The following USH2A variants were observed in gnomAD, a reference collection of about 807,000 sequenced individuals.
The protein encoded by USH2A is Usher syndrome 2A (autosomal recessive, mild).
A neutral mutation model predicts 538.9 loss-of-function variants in USH2A; 443 were observed. The observed-to-expected ratio is 0.82, with a 90% CI of 0.76 to 0.89. The LOEUF is 0.89. USH2A is among the 40% of genes least tolerant of loss of function. USH2A has a pLI of 0.00. For synonymous variants in USH2A, 2,413 were observed against 2,273.5 expected, an observed-to-expected ratio of 1.06 and a Z score of -1.75; for missense variants, 6,633 against 6,324.8, an observed-to-expected ratio of 1.05 and a Z score of -1.65.
chr1:215,773,317 G>A (rs965819007), intron 55 of USH2A, among the ~76,000 whole-genome samples: 1 of 151,980 alleles, frequency 6.6e-6, no homozygotes, highest in African/African-American at 2.4e-5. Context: ...AGGCCCATTT[G>A]CATAATAAGA....
chr1:216,270,046 G>T (rs1293947403), intron 11 of USH2A, among the ~76,000 whole-genome samples: 1 of 152,088 alleles, frequency 6.6e-6, no homozygotes, highest in African/African-American at 2.4e-5. Flanking sequence ...ATGATTTCAA[G>T]ATGAATAAAT....
chr1:216,155,491 G>A (rs1041930966), intron 21 of USH2A, among the ~76,000 whole-genome samples: 3 of 151,954 alleles, frequency 2.0e-5, no homozygotes, highest in African/African-American at 7.3e-5. Flanking sequence ...AACCCATCCT[G>A]TTGCCCCACC....
chr1:215,895,708 T>C (rs1250633680), intron 40 of USH2A, among the ~76,000 whole-genome samples: 1 of 152,170 alleles, frequency 6.6e-6, no homozygotes, highest in Non-Finnish European at 1.5e-5. Context: ...AATAACAAGA[T>C]GTAATGCAAT....
chr1:215,963,720 G>A (rs1667260312), intron 37 of USH2A, among the ~76,000 whole-genome samples: 1 of 152,060 alleles, frequency 6.6e-6, no homozygotes, highest in Non-Finnish European at 1.5e-5. Context: ...AATAATGCTT[G>A]CCTTGGTCTG....
intron 14 of USH2A, among the ~76,000 whole-genome samples, chr1:216,230,272 T>C (rs1014609550): frequency 5.3e-5 from 8 of 152,156 alleles, no homozygotes; most frequent in African/African-American, 1.9e-4. Context: ...ATCTAGGAGC[T>C]AGTATGTGCA....
intron 9 of USH2A, among the ~76,000 whole-genome samples, chr1:216,308,347 C>A (rs1251732481): frequency 1.3e-5 from 2 of 152,132 alleles, no homozygotes; most frequent in Non-Finnish European, 2.9e-5. Flanking sequence ...CTTACCAGTT[C>A]CTGAAATTTC....
chr1:216,295,388 A>G (rs1179238565), intron 9 of USH2A, among the ~76,000 whole-genome samples: 2 of 151,804 alleles, frequency 1.3e-5, no homozygotes, highest in Non-Finnish European at 3.0e-5. Context: ...GGAGTTTTAC[A>G]TTTATAATCA....
intron 46 of USH2A, among the ~76,000 whole-genome samples, chr1:215,843,569 A>G (rs554031228): frequency 2.1e-4 from 32 of 152,310 alleles, no homozygotes; most frequent in Non-Finnish European, 4.1e-4. Context: ...ATTTTGTCAT[A>G]CAAGTGCATA....
chr1:216,141,298 A>G (rs960170724), intron 21 of USH2A, among the ~76,000 whole-genome samples: 25 of 152,218 alleles, frequency 1.6e-4, no homozygotes, highest in Non-Finnish European at 3.4e-4. Context: ...GCTCTTTTGT[A>G]TCCTCCCAGT....
At chr1:216,217,830 C>T (rs2035374099) in intron 14 of USH2A, among the ~76,000 whole-genome samples, 1 of 151,902 alleles carries the variant, frequency 6.6e-6, no homozygotes, top group Non-Finnish European at 1.5e-5. Context: ...TTTTACATCC[C>T]ACAATATATC....
At chr1:216,221,353 G>A (rs1047664452) in intron 14 of USH2A, among the ~76,000 whole-genome samples, 2 of 152,070 alleles carry the variant, frequency 1.3e-5, no homozygotes, top group Non-Finnish European at 2.9e-5. Context: ...CCCTCTAGAG[G>A]AGTTTGGTTT....
At chr1:215,651,036 G>A (rs1657062821) in intron 64 of USH2A, among the ~76,000 whole-genome samples, 1 of 151,854 alleles carries the variant, frequency 6.6e-6, no homozygotes, top group Non-Finnish European at 1.5e-5. Context: ...AACACAAAGG[G>A]GGCCGTTTAG....
At chr1:215,889,385 T>C (rs1665151466) in intron 40 of USH2A, among the ~76,000 whole-genome samples, 1 of 152,202 alleles carries the variant, frequency 6.6e-6, no homozygotes, top group Admixed American at 6.5e-5. Context: ...AAGAGGGTAG[T>C]TGTTACTAAA....
intron 35 of USH2A, among the ~76,000 whole-genome samples, chr1:215,983,252 A>G (rs1288376416): frequency 6.6e-6 from 1 of 152,166 alleles, no homozygotes; most frequent in Non-Finnish European, 1.5e-5. Flanking sequence ...TTGAGCCACC[A>G]CGCCTGGCCG....
At chr1:216,365,108 T>C (rs775019902) in intron 3 of USH2A, 23 bp from the exon 4 acceptor site, 1 of 1,606,594 alleles carries the variant, frequency 6.2e-7, no homozygotes, top group South Asian at 1.1e-5. Flanking sequence ...ACCACCATTA[T>C]TAGTTTAAGT....
intron 38 of USH2A, among the ~76,000 whole-genome samples, chr1:215,933,950 G>A (rs1327169806): frequency 6.6e-6 from 1 of 151,962 alleles, no homozygotes; most frequent in African/African-American, 2.4e-5. Flanking sequence ...CCCGCAACGA[G>A]TTAAAACATG....
chr1:216,220,600 GA>G (rs894669319), intron 14 of USH2A, among the ~76,000 whole-genome samples: 1 of 149,560 alleles, frequency 6.7e-6, no homozygotes, highest in African/African-American at 2.5e-5. Flanking sequence ...CAAAAATAGA[GA>G]AAAAAAAGAA....
At position 215,740,917 on chromosome 1, in the gene USH2A, T is replaced by C. The variant is rs535485497; in HGVS notation, c.11711+458A>G. 3.3e-5 allele frequency among the ~76,000 whole-genome samples: 5 copies of C among 152,180 alleles called. No homozygotes were observed. In the East Asian group the frequency reaches 9.7e-4, roughly 29 times the overall value. On this transcript the variant is annotated intron_variant, in intron 60 of 71. Transcript: ENST00000307340. Reference sequence around the variant, plus strand: ...ACAATAGGGTTTGGACTCCTGTGAGTATCTAATGCCACCACTAATCTGACA... The same window carrying C: ...ACAATAGGGTTTGGACTCCTGTGAGCATCTAATGCCACCACTAATCTGACA...
chr1:215,965,767 T>C (rs1167200933), intron 36 of USH2A, among the ~76,000 whole-genome samples: 1 of 151,990 alleles, frequency 6.6e-6, no homozygotes, highest in African/African-American at 2.4e-5. Flanking sequence ...TACATATCCA[T>C]AGACCAATTC....
Sources: gnomAD v4.1 joint callset for allele counts (sites outside exome capture counted in the v4.1 genomes callset) on GRCh38, gnomAD v4.1.1 for gene constraint, MANE v1.5 for transcripts, NCBI Gene and HGNC (gene_info 2026-07-23, HGNC 2026-07-21) for gene names.